The following KRT86 variants were observed in gnomAD, a reference collection of about 807,000 sequenced individuals.
KRT86 encodes keratin, type II cuticular Hb6.
KRT86 carries 30 observed loss-of-function variants against 41.2 expected under a neutral mutation model. The ratio of observed to expected loss-of-function variants is 0.73; its 90% CI spans 0.54 to 0.99. The LOEUF (loss-of-function observed/expected upper bound fraction) is 0.99, where lower values mean the gene tolerates loss of function less well. Among genes scored for constraint, KRT86 ranks in the 50% least tolerant of loss-of-function variants. The pLI is 0.00. For missense variants in KRT86, 561 were observed against 571.4 expected (o/e 0.98, Z 0.19); for synonymous variants, 238 against 238.1 (o/e 1.00, Z 0.00).
intron 5 of KRT86, among the ~76,000 whole-genome samples, chr12:52,304,563 G>A (rs1272044748): frequency 6.6e-6 from 1 of 151,934 alleles, no homozygotes; most frequent in Non-Finnish European, 1.5e-5. Context: ...TCTAAGGGGG[G>A]ATGGAGAAGA....
Position 52,308,556 on chromosome 12 carries a change from G to A in KRT86, c.1432G>A (p.Val478Ile). The change falls in exon 11 of 11, where the codon GTC becomes ATC. Residue 478 changes from valine (V) to isoleucine (I), a missense_variant. Transcript: ENST00000423955. ...CTGCGCCCCCTCCGCCCGGGTTGGCGTCTGCGGCGGCAGCTGTAAGAGGTG... is the reference window on the plus strand; with the variant it reads ...CTGCGCCCCCTCCGCCCGGGTTGGCATCTGCGGCGGCAGCTGTAAGAGGTG... ...NACAPSARVG[V>I]CGGSCKRC 6.3e-7 allele frequency: 1 copy of A among 1,599,694 alleles called. No homozygotes were observed. Among genetic ancestry groups the A allele is most frequent in the Non-Finnish European group, 8.5e-7 (1 of 1,179,778 alleles).
intron 7 of KRT86, 38 bp downstream of exon 7, chr12:52,305,442 G>A: frequency 4.3e-6 from 7 of 1,614,146 alleles, no homozygotes; most frequent in Non-Finnish European, 5.9e-6. Flanking sequence ...AGACATGGCA[G>A]TGGGAGGGAT....
Position 52,286,468 on chromosome 12 carries a change from G to A in KRT86, c.-5+10522G>A, listed in dbSNP as rs974848929. The A allele has an allele frequency of 1.6e-5, 25 of 1,552,258 alleles. 2 individuals carry two copies. The South Asian group carries it at 1.9e-4, about 12-fold the overall frequency. On this transcript the variant is annotated intron_variant, in intron 2 of 10. Coordinates refer to ENST00000423955, the MANE Select transcript of KRT86 (RefSeq NM_001320198.2). The stretch of plus-strand genomic sequence containing the variant: ...CTGACACGCAGAGGTCCCCGCACAC[G>A]ACCCCGCCCCGGGAGCTGCTGACAC...
Position 52,308,790 on chromosome 12 carries a change from C to CTT in KRT86, c.*206_*207insTT, listed in dbSNP as rs1938579170. ...GGCCGGGAGGCGCCATGGTCTCTCT[C>CTT]TGTAGCCTTTCCTGGTAGTCAATTT... is the stretch of plus-strand genomic sequence containing the variant. On this transcript the variant is annotated 3_prime_UTR_variant, in exon 11 of 11. Transcript: ENST00000423955. The CTT allele has an allele frequency of 1.5e-5, 9 of 589,634 alleles. No individual in the cohort carries two copies. The East Asian group carries it at 2.6e-4, about 17-fold the overall frequency. 36.5% of individuals were successfully genotyped at this position (589,634 alleles called of 1,614,324 possible). A position where few individuals can be genotyped will look rare whatever the true frequency, so the allele number is the denominator to read the frequency against.
At chr12:52,298,538 G>A (rs1166448996) in intron 2 of KRT86, among the ~76,000 whole-genome samples, 2 of 152,200 alleles carry the variant, frequency 1.3e-5, no homozygotes, top group Non-Finnish European at 2.9e-5. Context: ...CAACTAATAT[G>A]ATTACACACT....
chr12:52,286,142 C>T, intron 2 of KRT86: 1 of 873,390 alleles, frequency 1.1e-6, no homozygotes, highest in Non-Finnish European at 1.9e-6. Flanking sequence ...TGGGAGGGGT[C>T]TTTCAAAGTG....
intron 5 of KRT86, among the ~76,000 whole-genome samples, chr12:52,304,554 C>T (rs1356064858): frequency 6.6e-6 from 1 of 151,762 alleles, no homozygotes; most frequent in Non-Finnish European, 1.5e-5. Flanking sequence ...ATCCCAGGTT[C>T]TAAGGGGGGA....
At chr12:52,293,561 G>A (rs1031646019) in intron 2 of KRT86, among the ~76,000 whole-genome samples, 5 of 152,144 alleles carry the variant, frequency 3.3e-5, no homozygotes, top group Non-Finnish European at 5.9e-5. Flanking sequence ...AACCATGAGG[G>A]GTCATTTAGG....
chr12:52,279,461 G>A (rs7303543), intron 2 of KRT86, among the ~76,000 whole-genome samples: 39,838 of 152,146 alleles, frequency 0.26, 5,903 homozygotes, highest in East Asian at 0.39. Flanking sequence ...CAGCTTACCT[G>A]GACCAAGAAC....
At chr12:52,289,312 G>A in intron 2 of KRT86, 1 of 216,538 alleles carries the variant, frequency 4.6e-6, no homozygotes, top group Non-Finnish European at 8.3e-6. Context: ...GGAGGTCAGG[G>A]CAGGGCAGGT....
chr12:52,299,131 C>CTGT (rs1938314956), intron 2 of KRT86, among the ~76,000 whole-genome samples: 1 of 152,188 alleles, frequency 6.6e-6, no homozygotes, highest in African/African-American at 2.4e-5. Context: ...CCTCTGGTAA[C>CTGT]CATCATTCTA....
At chr12:52,287,076 T>C (rs1177035590) in intron 2 of KRT86, 3 of 1,612,510 alleles carry the variant, frequency 1.9e-6, no homozygotes, top group African/African-American at 1.3e-5. Context: ...GAAGGGTGGT[T>C]CTGGGCCACC....
At chr12:52,297,326 G>A (rs1938273680) in intron 2 of KRT86, among the ~76,000 whole-genome samples, 1 of 152,190 alleles carries the variant, frequency 6.6e-6, no homozygotes, top group African/African-American at 2.4e-5. Flanking sequence ...ATTTGGATAT[G>A]CTCTACCAGA....
At chr12:52,279,385 C>G (rs987416647) in intron 2 of KRT86, among the ~76,000 whole-genome samples, 1 of 152,202 alleles carries the variant, frequency 6.6e-6, no homozygotes, top group Non-Finnish European at 1.5e-5. Flanking sequence ...GCACAGCTTA[C>G]AGGACTATGA....
At chr12:52,282,161 A>G (rs1937788133) in intron 2 of KRT86, among the ~76,000 whole-genome samples, 1 of 152,194 alleles carries the variant, frequency 6.6e-6, no homozygotes, top group South Asian at 2.1e-4. Flanking sequence ...TGCTTAAAGC[A>G]TAGGAAGTTA....
chr12:52,292,449 C>T (rs1938150890), intron 2 of KRT86, among the ~76,000 whole-genome samples: 1 of 152,144 alleles, frequency 6.6e-6, no homozygotes, highest in Non-Finnish European at 1.5e-5. Context: ...GGCTCTAGCC[C>T]TTGTATTTTC....
intron 1 of KRT86, chr12:52,275,135 G>A (rs1297015049): frequency 6.6e-6 from 1 of 152,212 alleles, no homozygotes; most frequent in African/African-American, 2.4e-5. Context: ...GGGTGGTTGT[G>A]AGGCCCCAGT....
At chr12:52,305,948 A>C in intron 8 of KRT86, 112 bp from the exon 9 acceptor site, 1 of 1,566,622 alleles carries the variant, frequency 6.4e-7, no homozygotes, top group Non-Finnish European at 8.7e-7. Flanking sequence ...GATGAAGGCA[A>C]GAGGCTCTGT....
At position 52,287,256 on chromosome 12, in the gene KRT86, G is replaced by A. The variant is rs377419026; in HGVS notation, c.-5+11310G>A. On this transcript the variant is annotated intron_variant, in intron 2 of 10. Transcript: ENST00000423955. ...CCCTCCAGCTCGGCCAGCTTGCAGC[G>A]GGCATCACTGAGGGCCGCCTCACCC... 1.8e-5 allele frequency: 29 copies of A among 1,614,106 alleles called. No individual in the cohort carries two copies. The highest frequency in any genetic ancestry group is 1.0e-4 in the Admixed American group (6 of 60,034).
Sources: allele counts gnomAD v4.1 joint callset (sites outside exome capture counted in the v4.1 genomes callset), GRCh38; gene constraint gnomAD v4.1.1; transcripts MANE v1.5; gene names NCBI Gene and HGNC (gene_info 2026-07-23, HGNC 2026-07-21).